Variants in PDE3A observed in about 807,000 individuals in gnomAD.
The protein encoded by PDE3A is phosphodiesterase 3A, also known as cGMP-inhibited 3',5'-cyclic phosphodiesterase 3A.
Under a neutral mutation model 98.3 loss-of-function variants are expected in PDE3A, and 43 were observed. The ratio of observed to expected loss-of-function variants is 0.44; its 90% CI spans 0.34 to 0.56. The LOEUF is 0.56. PDE3A is among the 20% of genes least tolerant of loss of function. PDE3A has a pLI of 0.01. For missense variants in PDE3A, 1,427 were observed against 1,440.7 expected, an observed-to-expected ratio of 0.99 and a Z score of 0.15; for synonymous variants, 663 against 567.9, an observed-to-expected ratio of 1.17 and a Z score of -2.38.
At chr12:20,470,428 C>T (rs1327512475) in intron 1 of PDE3A, among the ~76,000 whole-genome samples, 1 of 150,098 alleles carries the variant, frequency 6.7e-6, no homozygotes, top group Non-Finnish European at 1.5e-5. Context: ...GGTTGTGTCC[C>T]AGGGTTTCAA....
At chr12:20,410,995 C>T (rs192982251) in intron 1 of PDE3A, among the ~76,000 whole-genome samples, 1 of 152,210 alleles carries the variant, frequency 6.6e-6, no homozygotes, top group Admixed American at 6.5e-5. Flanking sequence ...TCTGCCTTGT[C>T]AGGCTGGATC....
At chr12:20,585,830 T>C (rs1044734656) in intron 2 of PDE3A, among the ~76,000 whole-genome samples, 7 of 152,220 alleles carry the variant, frequency 4.6e-5, no homozygotes, top group Non-Finnish European at 1.0e-4. Context: ...TTCCTTTCTG[T>C]GTCTTCACTG....
intron 1 of PDE3A, among the ~76,000 whole-genome samples, chr12:20,447,686 T>G (rs1267927062): frequency 6.6e-6 from 1 of 152,236 alleles, no homozygotes; most frequent in African/African-American, 2.4e-5. Flanking sequence ...TCATATGCTT[T>G]GTAATTTTTT....
At chr12:20,431,629 A>G (rs11045244) in intron 1 of PDE3A, among the ~76,000 whole-genome samples, 3 of 151,634 alleles carry the variant, frequency 2.0e-5, no homozygotes, top group African/African-American at 4.8e-5. Context: ...ACACGCACAC[A>G]CACGCACGCA....
chr12:20,386,223 A>C (rs1346887146), intron 1 of PDE3A, among the ~76,000 whole-genome samples: 1 of 38,010 alleles, frequency 2.6e-5, no homozygotes, highest in Non-Finnish European at 4.9e-5. Context: ...AAATATATAA[A>C]AAATAAAAAT....
chr12:20,430,639 A>G (rs1016061876), intron 1 of PDE3A, among the ~76,000 whole-genome samples: 1 of 152,164 alleles, frequency 6.6e-6, no homozygotes, highest in African/African-American at 2.4e-5. Context: ...AAGTGAGCAA[A>G]GTTGAGATGG....
intron 15 of PDE3A, among the ~76,000 whole-genome samples, chr12:20,664,241 A>G (rs576637774): frequency 6.6e-6 from 1 of 152,110 alleles, no homozygotes; most frequent in Non-Finnish European, 1.5e-5. Context: ...TTATAGCAGC[A>G]TGAGAATGGA....
intron 1 of PDE3A, among the ~76,000 whole-genome samples, chr12:20,391,585 CT>C (rs144859410): frequency 6.1e-5 from 9 of 147,832 alleles, no homozygotes; most frequent in African/African-American, 7.4e-5. Context: ...TTTTGGAGGA[CT>C]TTTTTTTTTC....
intron 4 of PDE3A, among the ~76,000 whole-genome samples, chr12:20,619,587 TAGTC>T (rs1382224558): frequency 6.6e-6 from 1 of 151,948 alleles, no homozygotes; most frequent in Non-Finnish European, 1.5e-5. Flanking sequence ...CACGAGAAAA[TAGTC>T]AGTGTTGTTA....
At chr12:20,440,254 C>T (rs1944847406) in intron 1 of PDE3A, among the ~76,000 whole-genome samples, 1 of 151,914 alleles carries the variant, frequency 6.6e-6, no homozygotes, top group Non-Finnish European at 1.5e-5. Context: ...TAATTTTTGG[C>T]CCCCAAAAGA....
In PDE3A at chr12:20,649,364, A is replaced by C. The variant is rs540948205; in HGVS notation, c.2769+473A>C. On this transcript the variant is annotated intron_variant, in intron 13 of 15. Transcript: ENST00000359062. ...ATAAAATGTTTAACCAGAAGCAGAC[A>C]TATAGGTATTGATCTGAATCTAGAT... is the stretch of plus-strand genomic sequence containing the variant. Among the ~76,000 whole-genome samples, 3 of 152,316 alleles carry C rather than the reference A, an allele frequency of 2.0e-5. No individual in the cohort carries two copies. The South Asian group carries it at 6.2e-4, about 32-fold the overall frequency.
intron 1 of PDE3A, among the ~76,000 whole-genome samples, chr12:20,443,779 C>G (rs1944908169): frequency 6.6e-6 from 1 of 152,124 alleles, no homozygotes; most frequent in African/African-American, 2.4e-5. Context: ...TATTATTCTA[C>G]TTATTTTCGT....
intron 1 of PDE3A, among the ~76,000 whole-genome samples, chr12:20,522,597 G>A (rs1946449927): frequency 6.6e-6 from 1 of 152,152 alleles, no homozygotes; most frequent in Non-Finnish European, 1.5e-5. Flanking sequence ...ATATCTGGGA[G>A]GAAAGCTTTG....
At chr12:20,588,790 G>A (rs936721870) in intron 2 of PDE3A, among the ~76,000 whole-genome samples, 1 of 152,148 alleles carries the variant, frequency 6.6e-6, no homozygotes, top group Admixed American at 6.5e-5. Flanking sequence ...AGCTGACCCT[G>A]GGGACACATT....
At chr12:20,554,874 T>C (rs947163607) in intron 1 of PDE3A, among the ~76,000 whole-genome samples, 1 of 152,256 alleles carries the variant, frequency 6.6e-6, no homozygotes, top group Non-Finnish European at 1.5e-5. Flanking sequence ...TTCTTGCTTA[T>C]ATTTTGTTAG....
At chr12:20,473,230 AT>A (rs576803151) in intron 1 of PDE3A, among the ~76,000 whole-genome samples, 187 of 152,306 alleles carry the variant, frequency 1.2e-3, no homozygotes, top group Non-Finnish European at 1.9e-3. Context: ...TTAGCCTCAA[AT>A]TTAACACTGA....
Position 20,552,989 on chromosome 12 carries a change from C to T in PDE3A, c.961-3671C>T, listed in dbSNP as rs1942257459. The T allele has an allele frequency of 6.4e-7, 1 of 1,573,232 alleles. No individual in the cohort carries two copies. The highest frequency in any genetic ancestry group is 1.8e-5 in the Admixed American group (1 of 55,166). ...CAGACCGTCCTCAACCAGCTCTTCC[C>T]CGGCTACGGCAATGGCCGGTGATCT... On this transcript the variant is annotated intron_variant, in intron 1 of 15. Coordinates refer to ENST00000359062, the MANE Select transcript of PDE3A (RefSeq NM_000921.5). The surrounding 1 kb of genome is among the most constrained non-coding windows in gnomAD (Gnocchi z 5.1).
At chr12:20,658,376 G>C (rs1945089144) in intron 15 of PDE3A, among the ~76,000 whole-genome samples, 1 of 152,086 alleles carries the variant, frequency 6.6e-6, no homozygotes, top group South Asian at 2.1e-4. Flanking sequence ...CCAGGTACCA[G>C]GTCCTTTAAA....
chr12:20,458,566 G>A (rs1715584257), intron 1 of PDE3A, among the ~76,000 whole-genome samples: 1 of 152,100 alleles, frequency 6.6e-6, no homozygotes, highest in South Asian at 2.1e-4. Context: ...TCAACCTACT[G>A]CCTGCCTGGG....
Sources: gnomAD v4.1 joint callset for allele counts (sites outside exome capture counted in the v4.1 genomes callset) on GRCh38, gnomAD v4.1.1 for gene constraint, Gnocchi (gnomAD v3.1) non-coding constraint, MANE v1.5 for transcripts, NCBI Gene and HGNC (gene_info 2026-07-23, HGNC 2026-07-21) for gene names.